NDST4: variants seen among roughly 807,000 people sequenced by gnomAD.
NDST4 encodes N-deacetylase and N-sulfotransferase 4, also known as N-heparan sulfate sulfotransferase 4.
In NDST4, 63 loss-of-function variants were observed where a neutral mutation model predicts 100.8. That is an observed-to-expected ratio of 0.62 (90% CI 0.51 to 0.77). The LOEUF (loss-of-function observed/expected upper bound fraction) is 0.77, where lower values mean the gene tolerates loss of function less well. Ranked by LOEUF, NDST4 falls within the 30% of genes least tolerant of loss-of-function variation. NDST4 has a pLI of 0.00. For synonymous variants in NDST4, 377 were observed against 361.8 expected (o/e 1.04, Z -0.48); for missense variants, 943 against 1,018.4 (o/e 0.93, Z 1.01).
intron 13 of NDST4, among the ~76,000 whole-genome samples, chr4:114,828,933 T>C (rs941598240): frequency 1.3e-5 from 2 of 152,216 alleles, no homozygotes; most frequent in African/African-American, 2.4e-5. Context: ...TATTTCATTA[T>C]GTTTCTTCCC....
chr4:114,912,208 G>A (rs2126215296), intron 6 of NDST4, among the ~76,000 whole-genome samples: 1 of 152,224 alleles, frequency 6.6e-6, no homozygotes, highest in East Asian at 1.9e-4. Flanking sequence ...TGTGACAAGT[G>A]AGGTGATCAA....
intron 1 of NDST4, among the ~76,000 whole-genome samples, chr4:115,110,054 C>A (rs1729913503): frequency 1.3e-5 from 2 of 151,830 alleles, no homozygotes; most frequent in Admixed American, 1.3e-4. Context: ...TTGAGGAAAT[C>A]TATTTTCAAT....
chr4:114,851,734 T>C (rs1723679780), intron 8 of NDST4, among the ~76,000 whole-genome samples: 1 of 152,162 alleles, frequency 6.6e-6, no homozygotes, highest in South Asian at 2.1e-4. Context: ...GTGATCTATC[T>C]GAAAATATGT....
At chr4:115,013,079 G>A (rs899678395) in intron 2 of NDST4, among the ~76,000 whole-genome samples, 15 of 150,846 alleles carry the variant, frequency 9.9e-5, no homozygotes. Flanking sequence ...GTGGGGGTAG[G>A]GGGAAAGTGG....
rs1359114872 is a variant in NDST4, at chr4:115,007,902, C to T, written c.979-30628G>A. On this transcript the variant is annotated intron_variant, in intron 2 of 13. Transcript: ENST00000264363. Reference sequence around the variant, plus strand: ...AAAGGATCTGAGGCCTGAGTAAAAGCTGGCTCTGTTCCTGAGTTGTCCTTG... The same window carrying T: ...AAAGGATCTGAGGCCTGAGTAAAAGTTGGCTCTGTTCCTGAGTTGTCCTTG... Among the ~76,000 whole-genome samples the T allele has an allele frequency of 3.1e-5, 4 of 129,798 alleles. 1 individual carries two copies. Among genetic ancestry groups the T allele is most frequent in the Non-Finnish European group, 6.6e-5 (4 of 60,582 alleles). 85.2% of individuals were successfully genotyped at this position (129,798 alleles called of 152,430 possible).
intron 2 of NDST4, among the ~76,000 whole-genome samples, chr4:114,996,061 G>A (rs1727154830): frequency 6.6e-6 from 1 of 151,980 alleles, no homozygotes; most frequent in African/African-American, 2.4e-5. Context: ...CATAATCCAG[G>A]TTCTCTGATT....
At chr4:114,887,603 C>T (rs1724506956) in intron 6 of NDST4, among the ~76,000 whole-genome samples, 1 of 152,108 alleles carries the variant, frequency 6.6e-6, no homozygotes, top group African/African-American at 2.4e-5. Context: ...AACAGACATC[C>T]ATACAAGGAT....
At chr4:114,951,185 G>A (rs529991085) in intron 4 of NDST4, among the ~76,000 whole-genome samples, 116 of 152,162 alleles carry the variant, frequency 7.6e-4, no homozygotes, top group Admixed American at 2.8e-3. Context: ...AAAGATTCAC[G>A]TGTTCACATG....
chr4:115,005,967 G>A (rs1481140151), intron 2 of NDST4, among the ~76,000 whole-genome samples: 3 of 145,488 alleles, frequency 2.1e-5, no homozygotes, highest in Admixed American at 7.0e-5. Context: ...GGGAGGCAGA[G>A]CTTGCAGTGA....
At chr4:115,041,205 C>T (rs1032074386) in intron 2 of NDST4, among the ~76,000 whole-genome samples, 2 of 151,950 alleles carry the variant, frequency 1.3e-5, no homozygotes, top group Non-Finnish European at 2.9e-5. Flanking sequence ...CAAGATAACT[C>T]CCTTTTTTGA....
chr4:115,007,755 A>G (rs1727454015), intron 2 of NDST4, among the ~76,000 whole-genome samples: 1 of 129,558 alleles, frequency 7.7e-6, no homozygotes, highest in African/African-American at 2.9e-5. Context: ...AGACAACAGG[A>G]AGACTTTCTG....
At chr4:114,896,617 C>T (rs1433618523) in intron 6 of NDST4, among the ~76,000 whole-genome samples, 4 of 128,164 alleles carry the variant, frequency 3.1e-5, no homozygotes, top group East Asian at 2.1e-4. Context: ...AGTGAGACTC[C>T]GTCTCAAAAA....
At chr4:114,905,508 A>C (rs1470502791) in intron 6 of NDST4, among the ~76,000 whole-genome samples, 1 of 151,942 alleles carries the variant, frequency 6.6e-6, no homozygotes, top group Non-Finnish European at 1.5e-5. Flanking sequence ...GTGAATTTGA[A>C]ATATAAAAAT....
intron 2 of NDST4, among the ~76,000 whole-genome samples, chr4:115,006,537 G>A (rs1727421188): frequency 6.6e-6 from 1 of 152,144 alleles, no homozygotes; most frequent in African/African-American, 2.4e-5. Flanking sequence ...AAAAGAAGTT[G>A]TTAATTTAAA....
intron 1 of NDST4, among the ~76,000 whole-genome samples, chr4:115,109,497 T>G (rs1364203669): frequency 6.6e-6 from 1 of 151,976 alleles, no homozygotes; most frequent in Non-Finnish European, 1.5e-5. Context: ...CTTAAAGTAA[T>G]AATTTCTAAA....
chr4:114,999,591 G>C (rs1427175498), intron 2 of NDST4, among the ~76,000 whole-genome samples: 4 of 152,016 alleles, frequency 2.6e-5, no homozygotes, highest in Non-Finnish European at 5.9e-5. Context: ...AAATAAAGAA[G>C]ATTTGAAGCA....
intron 1 of NDST4, among the ~76,000 whole-genome samples, chr4:115,102,419 A>G (rs1560600990): frequency 6.6e-6 from 1 of 152,154 alleles, no homozygotes; most frequent in South Asian, 2.1e-4. Flanking sequence ...AGAAATCACA[A>G]AAGAAGTTAT....
At chr4:115,001,582 C>T (rs1727291163) in intron 2 of NDST4, among the ~76,000 whole-genome samples, 1 of 151,804 alleles carries the variant, frequency 6.6e-6, no homozygotes, top group Non-Finnish European at 1.5e-5. Flanking sequence ...AAATGACTCC[C>T]TGTATTAGGT....
intron 6 of NDST4, among the ~76,000 whole-genome samples, chr4:114,914,240 GA>G (rs1165140758): frequency 6.6e-6 from 1 of 151,920 alleles, no homozygotes; most frequent in African/African-American, 2.4e-5. Flanking sequence ...CAAAAAAATA[GA>G]AAAATAAATA....
Sources: allele counts gnomAD v4.1 joint callset (sites outside exome capture counted in the v4.1 genomes callset), GRCh38; gene constraint gnomAD v4.1.1; transcripts MANE v1.5; gene names NCBI Gene and HGNC (gene_info 2026-07-23, HGNC 2026-07-21).